Variants in MMP26 observed in about 807,000 individuals in gnomAD.
The protein encoded by MMP26 is matrix metalloproteinase-26.
Under a neutral mutation model 31.0 loss-of-function variants are expected in MMP26, and 33 were observed. That is an observed-to-expected ratio of 1.06 (90% CI 0.81 to 1.42). MMP26 has a LOEUF of 1.42. MMP26 is among the 40% of genes most tolerant of loss of function. The pLI is 0.00. For synonymous variants in MMP26, 122 were observed against 114.9 expected (o/e 1.06, Z -0.40); for missense variants, 347 against 316.1 (o/e 1.10, Z -0.74).
intron 2 of MMP26, among the ~76,000 whole-genome samples, chr11:4,851,993 G>A (rs1043213551): frequency 6.6e-6 from 1 of 151,976 alleles, no homozygotes; most frequent in Non-Finnish European, 1.5e-5. Context: ...ATCATAAAAG[G>A]CACATTGTTA....
intron 2 of MMP26, among the ~76,000 whole-genome samples, chr11:4,962,184 T>A (rs1474943415): frequency 6.6e-6 from 1 of 152,152 alleles, no homozygotes; most frequent in Non-Finnish European, 1.5e-5. Context: ...ACATTGCTGT[T>A]TTGTCTCCTC....
At chr11:4,965,830 G>A (rs1249711535) in intron 2 of MMP26, among the ~76,000 whole-genome samples, 1 of 152,182 alleles carries the variant, frequency 6.6e-6, no homozygotes, top group East Asian at 1.9e-4. Context: ...TACTGTGGAA[G>A]CATCCATTCC....
chr11:4,899,780 C>T (rs999614325), intron 2 of MMP26, among the ~76,000 whole-genome samples: 8 of 152,136 alleles, frequency 5.3e-5, no homozygotes, highest in African/African-American at 1.9e-4. Flanking sequence ...TAGGCAAGAG[C>T]TTAACATAAA....
intron 2 of MMP26, among the ~76,000 whole-genome samples, chr11:4,939,848 T>C (rs1432081222): frequency 6.6e-6 from 1 of 152,134 alleles, no homozygotes; most frequent in Non-Finnish European, 1.5e-5. Context: ...ACATAAGATA[T>C]ATCACTTATG....
chr11:4,986,932 C>CTCTCTCTCTCTCTCTCTCTCTCT (rs1564819722), intron 2 of MMP26, among the ~76,000 whole-genome samples: 1 of 60,408 alleles, frequency 1.7e-5, no homozygotes, highest in Non-Finnish European at 3.1e-5. Context: ...TCTCTCTCTC[C>CTCTCTCTCTCTCTCTCTCTCTCT]CTCTCTCTCT....
intron 2 of MMP26, among the ~76,000 whole-genome samples, chr11:4,888,464 C>T (rs896447837): frequency 1.3e-5 from 2 of 151,970 alleles, no homozygotes; most frequent in Non-Finnish European, 2.9e-5. Context: ...ATATCAAATG[C>T]CTAAACAACC....
At chr11:4,762,615 T>G (rs193023125) in intron 1 of MMP26, among the ~76,000 whole-genome samples, 1 of 152,168 alleles carries the variant, frequency 6.6e-6, no homozygotes, top group Non-Finnish European at 1.5e-5. Context: ...GCAGCTATCA[T>G]CAGGTAGTAT....
At chr11:4,970,527 G>C (rs1490328153) in intron 2 of MMP26, among the ~76,000 whole-genome samples, 1 of 152,212 alleles carries the variant, frequency 6.6e-6, no homozygotes, top group Non-Finnish European at 1.5e-5. Context: ...GGGAGTTCAA[G>C]TGAGTATAGA....
At chr11:4,804,986 T>A (rs980757409) in intron 2 of MMP26, among the ~76,000 whole-genome samples, 87 of 145,142 alleles carry the variant, frequency 6.0e-4, no homozygotes, top group Admixed American at 2.5e-3. Context: ...AAAAAAAAAA[T>A]GAATCAATAT....
At chr11:4,990,457 G>C in intron 4 of MMP26, 141 bp from the exon 5 acceptor site, 1 of 712,182 alleles carries the variant, frequency 1.4e-6, no homozygotes, top group Non-Finnish European at 2.1e-6. Context: ...TAATTAGTCT[G>C]AAATTAGCTC....
At chr11:4,875,314 A>G (rs1470891057) in intron 2 of MMP26, 2 of 151,866 alleles carry the variant, frequency 1.3e-5, no homozygotes, top group Admixed American at 6.6e-5. Context: ...GACTAAAGCA[A>G]CTCTTCTGTG....
intron 2 of MMP26, among the ~76,000 whole-genome samples, chr11:4,810,206 T>C (rs11034000): frequency 0.41 from 62,929 of 151,852 alleles, 14,345 homozygotes; most frequent in South Asian, 0.57. Context: ...GTTGAGATTG[T>C]ATGAATGTGA....
At chr11:4,952,141 C>A (rs6578536) in intron 2 of MMP26, among the ~76,000 whole-genome samples, 43,000 of 123,116 alleles carry the variant, frequency 0.35, 14,944 homozygotes, top group South Asian at 0.55. Flanking sequence ...TTATGTTCAC[C>A]ATAAATCATC....
intron 2 of MMP26, among the ~76,000 whole-genome samples, chr11:4,957,881 T>C (rs1018359803): frequency 6.6e-6 from 1 of 152,104 alleles, no homozygotes; most frequent in Non-Finnish European, 1.5e-5. Flanking sequence ...GGTTTTGCCA[T>C]GTTGGCCAGG....
intron 2 of MMP26, among the ~76,000 whole-genome samples, chr11:4,775,066 C>T (rs1202326407): frequency 6.6e-6 from 1 of 152,154 alleles, no homozygotes. Context: ...TAGTGTGATA[C>T]CTCCAGCTTT....
At chr11:4,816,371 A>G (rs941621618) in intron 2 of MMP26, among the ~76,000 whole-genome samples, 2 of 152,272 alleles carry the variant, frequency 1.3e-5, no homozygotes, top group East Asian at 1.9e-4. Flanking sequence ...CGTCAGGTCC[A>G]TTTGGTGTAG....
chr11:4,967,832 CA>C (rs538439330), intron 2 of MMP26, among the ~76,000 whole-genome samples: 159 of 152,092 alleles, frequency 1.0e-3, no homozygotes, highest in African/African-American at 3.7e-3. Context: ...TTGAAGGGAT[CA>C]GGTAGGGAGA....
At chr11:4,884,178 G>C (rs1850516980) in intron 2 of MMP26, among the ~76,000 whole-genome samples, 1 of 152,070 alleles carries the variant, frequency 6.6e-6, no homozygotes, top group South Asian at 2.1e-4. Flanking sequence ...TCAGGTAATT[G>C]AGATTACATA....
chr11:4,802,024 A>T (rs190774960), intron 2 of MMP26, among the ~76,000 whole-genome samples: 2 of 152,290 alleles, frequency 1.3e-5, no homozygotes, highest in Admixed American at 1.3e-4. Context: ...GGTCCAAATC[A>T]TATCAACTAC....
Sources: allele counts gnomAD v4.1 joint callset (sites outside exome capture counted in the v4.1 genomes callset), GRCh38; gene constraint gnomAD v4.1.1; transcripts MANE v1.5; gene names NCBI Gene and HGNC (gene_info 2026-07-23, HGNC 2026-07-21).